The following RBMS1 variants were observed in gnomAD, a reference collection of about 807,000 sequenced individuals.
The protein encoded by RBMS1 is RNA-binding motif, single-stranded-interacting protein 1.
Under a neutral mutation model 62.3 loss-of-function variants are expected in RBMS1, and 17 were observed. The observed-to-expected ratio is 0.27, with a 90% CI of 0.19 to 0.41. The LOEUF (loss-of-function observed/expected upper bound fraction) is 0.41, where lower values mean the gene tolerates loss of function less well. RBMS1 is among the 10% of genes least tolerant of loss of function. RBMS1 has a pLI of 1.00. For synonymous variants in RBMS1, 172 were observed against 170.0 expected (o/e 1.01, Z -0.09); for missense variants, 334 against 504.5 (o/e 0.66, Z 3.24).
chr2:160,278,765 G>A (rs1687963491), intron 10 of RBMS1, 107 bp from the exon 11 acceptor site: 1 of 681,670 alleles, frequency 1.5e-6, no homozygotes, highest in Middle Eastern at 2.5e-4. Flanking sequence ...AGAATGTGAA[G>A]CAAAAACAAC....
chr2:160,300,500 G>A, intron 6 of RBMS1, 151 bp downstream of exon 6: 1 of 1,117,576 alleles, frequency 8.9e-7, no homozygotes, highest in East Asian at 3.0e-5. Context: ...CTAGGGAGAG[G>A]TGAATTTTTA....
intron 1 of RBMS1, among the ~76,000 whole-genome samples, chr2:160,441,385 G>C (rs1275126145): frequency 6.6e-6 from 1 of 152,152 alleles, no homozygotes; most frequent in Non-Finnish European, 1.5e-5. Flanking sequence ...ATACCTAAGG[G>C]TGGTATTTCT....
chr2:160,404,805 G>A (rs1695611817), intron 1 of RBMS1, among the ~76,000 whole-genome samples: 1 of 152,104 alleles, frequency 6.6e-6, no homozygotes, highest in Non-Finnish European at 1.5e-5. Flanking sequence ...TAGCTCACAA[G>A]TTCTCCCTCC....
intron 4 of RBMS1, among the ~76,000 whole-genome samples, chr2:160,312,153 T>G (rs538265574): frequency 6.6e-6 from 1 of 152,284 alleles, no homozygotes; most frequent in South Asian, 2.1e-4. Flanking sequence ...GCACCTGAAC[T>G]AGGGATTTAG....
At chr2:160,413,985 T>C (rs1018346322) in intron 1 of RBMS1, among the ~76,000 whole-genome samples, 1 of 152,146 alleles carries the variant, frequency 6.6e-6, no homozygotes, top group Admixed American at 6.5e-5. Flanking sequence ...CCAAGCCCCA[T>C]AGAGAAAAAC....
intron 2 of RBMS1, among the ~76,000 whole-genome samples, chr2:160,351,825 A>C (rs1263993806): frequency 6.6e-6 from 1 of 152,102 alleles, no homozygotes; most frequent in Non-Finnish European, 1.5e-5. Context: ...ACAAACTGAA[A>C]AAAGAAGGTG....
At chr2:160,416,432 A>C (rs1696211432) in intron 1 of RBMS1, among the ~76,000 whole-genome samples, 1 of 152,136 alleles carries the variant, frequency 6.6e-6, no homozygotes, top group Non-Finnish European at 1.5e-5. Context: ...GAAGTAGATA[A>C]CTTCTGAAGA....
rs1246780111 is a variant in RBMS1 at position 160,440,881 on chromosome 2, T to TA, written c.75+52407dup. Among the ~76,000 whole-genome samples the TA allele has an allele frequency of 2.0e-5, 3 of 152,322 alleles. No homozygotes were observed. In the East Asian group the frequency reaches 5.8e-4, roughly 29 times the overall value. On this transcript the variant is annotated intron_variant, in intron 1 of 13. Transcript: ENST00000348849. Reference sequence around the variant, plus strand: ...GGGGAAGGTAGATTGTTTTGCTTTTTAAAAAAATTGAGATATAATTAACAG... The same window carrying TA: ...GGGGAAGGTAGATTGTTTTGCTTTTTAAAAAAAATTGAGATATAATTAACAG...
intron 1 of RBMS1, among the ~76,000 whole-genome samples, chr2:160,382,495 T>G (rs1393372226): frequency 1.3e-5 from 2 of 152,228 alleles, no homozygotes; most frequent in African/African-American, 2.4e-5. Flanking sequence ...ATAATCTTAT[T>G]ACCTTTGCAT....
intron 1 of RBMS1, among the ~76,000 whole-genome samples, chr2:160,397,963 T>G (rs1695233428): frequency 6.6e-6 from 1 of 152,338 alleles, no homozygotes; most frequent in South Asian, 2.1e-4. Context: ...CCCCGAAGTC[T>G]GTCCCATCTC....
chr2:160,429,899 G>A (rs1014152961), intron 1 of RBMS1, among the ~76,000 whole-genome samples: 6 of 152,252 alleles, frequency 3.9e-5, no homozygotes, highest in Non-Finnish European at 8.8e-5. Context: ...TGTGACAGTA[G>A]AATGCAGAAG....
chr2:160,394,151 G>C (rs1216675746), intron 1 of RBMS1, among the ~76,000 whole-genome samples: 2 of 152,120 alleles, frequency 1.3e-5, no homozygotes, highest in Admixed American at 1.3e-4. Context: ...CCTTAATATA[G>C]ATTTTTTTTT....
At chr2:160,292,949 C>T (rs1458437270) in intron 6 of RBMS1, among the ~76,000 whole-genome samples, 1 of 152,132 alleles carries the variant, frequency 6.6e-6, no homozygotes, top group Non-Finnish European at 1.5e-5. Flanking sequence ...TAGGCCTGTT[C>T]CAGCGCTTTT....
At chr2:160,443,631 G>A (rs756017698) in intron 1 of RBMS1, among the ~76,000 whole-genome samples, 4 of 151,898 alleles carry the variant, frequency 2.6e-5, no homozygotes, top group East Asian at 1.9e-4. Context: ...CTTCTGTCAC[G>A]AGTCAAAGCT....
intron 4 of RBMS1, among the ~76,000 whole-genome samples, chr2:160,311,228 C>CTCTCTCTCTCTCTCTCTA (rs1689856905): frequency 3.1e-5 from 3 of 95,944 alleles, no homozygotes; most frequent in East Asian, 2.7e-4. Flanking sequence ...ATCTATCTAT[C>CTCTCTCTCTCTCTCTCTA]TATCTATATA....
Position 160,304,488 on chromosome 2 carries a change from T to G in RBMS1, c.403-1001A>C, listed in dbSNP as rs549546010. Among the ~76,000 whole-genome samples the G allele has an allele frequency of 2.0e-5, 3 of 152,348 alleles. No individual in the cohort carries two copies. In the East Asian group the frequency reaches 5.8e-4, roughly 29 times the overall value. ...AAGATAAGCCATGCTTATCTTGTGA[T>G]ATTACGCACATGAGCTGCATAATGA... On this transcript the variant is annotated intron_variant, in intron 4 of 13. Coordinates refer to ENST00000348849, the MANE Select transcript of RBMS1 (RefSeq NM_016836.4).
chr2:160,390,684 G>A (rs1694814901), intron 1 of RBMS1, among the ~76,000 whole-genome samples: 2 of 107,770 alleles, frequency 1.9e-5, no homozygotes, highest in Admixed American at 1.3e-4. Flanking sequence ...CTGAGACCCA[G>A]TCTCAAAAAA....
intron 1 of RBMS1, among the ~76,000 whole-genome samples, chr2:160,460,201 G>T (rs1011403695): frequency 6.6e-6 from 1 of 152,088 alleles, no homozygotes; most frequent in Non-Finnish European, 1.5e-5. Flanking sequence ...TTTGCTTTTT[G>T]TGGGGAATAG....
intron 1 of RBMS1, among the ~76,000 whole-genome samples, chr2:160,387,857 T>C (rs1408114620): frequency 3.3e-5 from 5 of 152,162 alleles, no homozygotes; most frequent in African/African-American, 1.2e-4. Context: ...AAAAAGCTTT[T>C]CCTTATCCTA....
Sources: allele counts gnomAD v4.1 joint callset (sites outside exome capture counted in the v4.1 genomes callset), GRCh38; gene constraint gnomAD v4.1.1; transcripts MANE v1.5; gene names NCBI Gene and HGNC (gene_info 2026-07-23, HGNC 2026-07-21).